The following RAD51C variants were observed in gnomAD, a reference collection of about 807,000 sequenced individuals.
RAD51C encodes the protein DNA repair protein RAD51 homolog 3.
RAD51C carries 42 observed loss-of-function variants against 45.0 expected under a neutral mutation model. The observed-to-expected ratio is 0.93, with a 90% CI of 0.73 to 1.21. RAD51C has a LOEUF of 1.21. Ranked by LOEUF, RAD51C falls within the 50% of genes most tolerant of loss-of-function variation. The pLI is 0.00. For synonymous variants in RAD51C, 172 were observed against 159.8 expected (o/e 1.08, Z -0.58); for missense variants, 474 against 452.2 (o/e 1.05, Z -0.44).
At chr17:58,717,745 A>G (rs1381224126) in intron 5 of RAD51C, among the ~76,000 whole-genome samples, 2 of 152,150 alleles carry the variant, frequency 1.3e-5, no homozygotes, top group Non-Finnish European at 2.9e-5. Context: ...CAAAGAAAAA[A>G]AGAAAAAGAA....
chr17:58,707,997 A>C (rs777940564), intron 4 of RAD51C, among the ~76,000 whole-genome samples: 2 of 152,036 alleles, frequency 1.3e-5, no homozygotes. Flanking sequence ...GTTAATTACT[A>C]CCTTAGAGGC....
intron 3 of RAD51C, among the ~76,000 whole-genome samples, chr17:58,701,021 C>T (rs1437258897): frequency 6.6e-6 from 1 of 152,138 alleles, no homozygotes; most frequent in Non-Finnish European, 1.5e-5. Context: ...CTTCAGCCCC[C>T]CAAGTAGCTG....
chr17:58,700,732 A>T (rs1341931523), intron 3 of RAD51C, among the ~76,000 whole-genome samples: 4 of 151,732 alleles, frequency 2.6e-5, no homozygotes, highest in Non-Finnish European at 4.4e-5. Context: ...GAGCCACCAC[A>T]CCTGGCCTAA....
In RAD51C at chr17:58,728,889, A is replaced by G. The variant is rs543996973; in HGVS notation, c.966-3595A>G. ...CTTATATTATGTGAGTTTTCCTCCA[A>G]TTTGCATATTCATGGTTATATGAGG... On this transcript the variant is annotated intron_variant, in intron 7 of 8. Coordinates refer to ENST00000337432, the MANE Select transcript of RAD51C (RefSeq NM_058216.3). Among the ~76,000 whole-genome samples, 52 of 152,284 alleles carry G rather than the reference A, an allele frequency of 3.4e-4. No individual in the cohort carries two copies. Among genetic ancestry groups the G allele is most frequent in the Non-Finnish European group, 5.7e-4 (39 of 68,018 alleles).
intron 5 of RAD51C, among the ~76,000 whole-genome samples, chr17:58,715,438 G>A (rs1168335871): frequency 1.6e-5 from 2 of 125,384 alleles, no homozygotes; most frequent in African/African-American, 6.2e-5. Context: ...TGGGCAACAA[G>A]AGCGAAACTC....
At chr17:58,729,970 T>C (rs1472556526) in intron 7 of RAD51C, among the ~76,000 whole-genome samples, 1 of 152,128 alleles carries the variant, frequency 6.6e-6, no homozygotes, top group African/African-American at 2.4e-5. Context: ...TTTTTGGACA[T>C]ACTGTTGATA....
chr17:58,704,187 T>G (rs763619307), intron 4 of RAD51C, among the ~76,000 whole-genome samples: 2 of 152,054 alleles, frequency 1.3e-5, no homozygotes, highest in South Asian at 2.1e-4. Flanking sequence ...TCTCTCACAT[T>G]TGATAGTCTG....
chr17:58,728,820 A>G (rs979106585), intron 7 of RAD51C, among the ~76,000 whole-genome samples: 3 of 152,208 alleles, frequency 2.0e-5, no homozygotes, highest in African/African-American at 7.2e-5. Flanking sequence ...TAATGATGGA[A>G]TAATATTCCA....
chr17:58,692,806 C>CA lies in RAD51C; in HGVS notation c.145+20dup. ...TAGCAAAGGTAACGACTCCTGATGG[C>CA]AAGCTGAGGCACACCGGCCGCCGTC... On this transcript the variant is annotated intron_variant, in intron 1 of 8. Transcript: ENST00000337432. 1 of 1,614,120 alleles carries CA rather than the reference C, an allele frequency of 6.2e-7. No homozygotes were observed. The highest frequency in any genetic ancestry group is 8.5e-7 in the Non-Finnish European group (1 of 1,180,002).
intron 5 of RAD51C, among the ~76,000 whole-genome samples, chr17:58,714,796 G>A (rs2048675567): frequency 6.6e-6 from 1 of 152,168 alleles, no homozygotes; most frequent in Non-Finnish European, 1.5e-5. Flanking sequence ...TTGATATGGA[G>A]AAAGTCCTTT....
At chr17:58,713,806 T>C (rs2048637736) in intron 5 of RAD51C, among the ~76,000 whole-genome samples, 1 of 151,924 alleles carries the variant, frequency 6.6e-6, no homozygotes, top group Non-Finnish European at 1.5e-5. Flanking sequence ...AGACTCTAGC[T>C]CCAAAATAAA....
At chr17:58,717,627 T>C (rs1314973297) in intron 5 of RAD51C, among the ~76,000 whole-genome samples, 3 of 152,032 alleles carry the variant, frequency 2.0e-5, no homozygotes, top group African/African-American at 7.2e-5. Context: ...TCCCAGCTAC[T>C]CATGAGGCTG....
At chr17:58,706,209 A>G (rs1419245942) in intron 4 of RAD51C, among the ~76,000 whole-genome samples, 3 of 152,054 alleles carry the variant, frequency 2.0e-5, no homozygotes, top group Admixed American at 6.6e-5. Flanking sequence ...CAGGCAGATC[A>G]CGAAGTCAGG....
intron 3 of RAD51C, among the ~76,000 whole-genome samples, chr17:58,697,953 C>A (rs1272908497): frequency 6.6e-6 from 1 of 152,002 alleles, no homozygotes; most frequent in African/African-American, 2.4e-5. Flanking sequence ...CTCAGGTGAT[C>A]CTCCCGCCTC....
chr17:58,693,782 A>G (rs1220807398), intron 1 of RAD51C: 1 of 152,232 alleles, frequency 6.6e-6, no homozygotes, highest in African/African-American at 2.4e-5. Flanking sequence ...CAAAAAAGAA[A>G]AAGTGAAGTA....
intron 5 of RAD51C, among the ~76,000 whole-genome samples, chr17:58,720,200 T>G (rs1018387441): frequency 1.2e-4 from 18 of 148,112 alleles, no homozygotes; most frequent in African/African-American, 4.5e-4. Context: ...GATCACGAGG[T>G]CAGGAGATCG....
intron 2 of RAD51C, among the ~76,000 whole-genome samples, chr17:58,695,788 C>T (rs1441655218): frequency 1.3e-5 from 2 of 149,702 alleles, no homozygotes; most frequent in Non-Finnish European, 3.0e-5. Flanking sequence ...AAAAAGAGGC[C>T]GGGGATGGTG....
chr17:58,708,918 C>G (rs1392131118), intron 4 of RAD51C, among the ~76,000 whole-genome samples: 1 of 151,630 alleles, frequency 6.6e-6, no homozygotes, highest in Non-Finnish European at 1.5e-5. Flanking sequence ...TAAAAAGAAC[C>G]CGGAAGGTAA....
rs1598448793 is a variant in RAD51C at position 58,692,688 on chromosome 17, G to A, written c.45G>A (p.Val15=). 6.2e-7 allele frequency: 1 copy of A among 1,614,256 alleles called. No individual in the cohort carries two copies. Among genetic ancestry groups the A allele is most frequent in the South Asian group, 1.1e-5 (1 of 91,080 alleles). ...GCTTTGAAATGCAGCGGGATTTGGT[G>A]AGTTTCCCGCTGTCTCCAGCGGTGC... is the stretch of plus-strand genomic sequence containing the variant. ...TFRFEMQRDL[V]SFPLSPAVRV... The change falls in exon 1 of 9, where the codon GTG becomes GTA. Residue 15 remains valine (V), a synonymous_variant. Transcript: ENST00000337432.
Sources: gnomAD v4.1 joint callset for allele counts (sites outside exome capture counted in the v4.1 genomes callset) on GRCh38, gnomAD v4.1.1 for gene constraint, MANE v1.5 for transcripts, NCBI Gene and HGNC (gene_info 2026-07-23, HGNC 2026-07-21) for gene names.